Variants in CDH12 observed in about 807,000 individuals in gnomAD.
The protein encoded by CDH12 is cadherin 12, also known as cadherin-12.
In CDH12, 41 loss-of-function variants were observed where a neutral mutation model predicts 74.1. The ratio of observed to expected loss-of-function variants is 0.55; its 90% CI spans 0.43 to 0.72. CDH12 has a LOEUF of 0.72. CDH12 is among the 30% of genes least tolerant of loss of function. CDH12 has a pLI of 0.00. For missense variants in CDH12, 945 were observed against 977.2 expected, an observed-to-expected ratio of 0.97 and a Z score of 0.44; for synonymous variants, 399 against 355.0, an observed-to-expected ratio of 1.12 and a Z score of -1.39.
chr5:22,633,367 CATATT>C lies in CDH12; in HGVS notation c.-522-128008_-522-128004del, dbSNP rs1486299575. Among the ~76,000 whole-genome samples the C allele has an allele frequency of 3.9e-5, 6 of 152,218 alleles. No homozygotes were observed. The East Asian group carries it at 1.2e-3, about 29-fold the overall frequency. ...TTCTTGTTTATATATCTTTTCTTCTCATATTATTTTAAAATATTATATAATGCAAT... is the reference window on the plus strand; with the variant it reads ...TTCTTGTTTATATATCTTTTCTTCTCATTTTAAAATATTATATAATGCAAT... On this transcript the variant is annotated intron_variant, in intron 1 of 14. Transcript: ENST00000382254.
At chr5:21,867,871 T>G (rs1008384068) in intron 6 of CDH12, among the ~76,000 whole-genome samples, 2 of 152,166 alleles carry the variant, frequency 1.3e-5, no homozygotes, top group African/African-American at 4.8e-5. Flanking sequence ...TGATATGGTT[T>G]GGCTGTGTCC....
chr5:22,336,092 T>C (rs1457048565), intron 3 of CDH12, among the ~76,000 whole-genome samples: 1 of 152,190 alleles, frequency 6.6e-6, no homozygotes, highest in Non-Finnish European at 1.5e-5. Flanking sequence ...TGTTATGTTT[T>C]AGCAAAGAGA....
chr5:22,018,080 C>T (rs536446489), intron 5 of CDH12, among the ~76,000 whole-genome samples: 2 of 152,086 alleles, frequency 1.3e-5, no homozygotes, highest in East Asian at 3.9e-4. Context: ...AATATTTAGT[C>T]CAGGTTATCT....
chr5:22,481,855 T>A (rs1746396576), intron 2 of CDH12, among the ~76,000 whole-genome samples: 1 of 152,152 alleles, frequency 6.6e-6, no homozygotes, highest in Non-Finnish European at 1.5e-5. Flanking sequence ...AGAGGGTAGA[T>A]CTCATGTTAA....
chr5:22,442,794 T>C (rs952686513), intron 2 of CDH12, among the ~76,000 whole-genome samples: 1 of 152,152 alleles, frequency 6.6e-6, no homozygotes, highest in African/African-American at 2.4e-5. Context: ...GTTGAGGGGA[T>C]TTGGAGAGAA....
intron 3 of CDH12, among the ~76,000 whole-genome samples, chr5:22,232,666 T>A (rs537933750): frequency 6.6e-6 from 1 of 151,588 alleles, no homozygotes; most frequent in African/African-American, 2.4e-5. Flanking sequence ...TGAAAAAAAA[T>A]ACTTCATCAT....
intron 1 of CDH12, among the ~76,000 whole-genome samples, chr5:22,546,676 T>G (rs963573638): frequency 2.0e-5 from 3 of 152,184 alleles, no homozygotes; most frequent in African/African-American, 7.2e-5. Flanking sequence ...TAGTAGAGTA[T>G]GTCATTTCTG....
At chr5:22,615,858 C>T (rs559852536) in intron 1 of CDH12, among the ~76,000 whole-genome samples, 4 of 152,076 alleles carry the variant, frequency 2.6e-5, no homozygotes, top group African/African-American at 7.2e-5. Context: ...AATGTGTAAG[C>T]TTTGAGGGGG....
intron 1 of CDH12, among the ~76,000 whole-genome samples, chr5:22,705,803 C>T (rs369268217): frequency 2.6e-5 from 4 of 151,696 alleles, no homozygotes; most frequent in African/African-American, 4.8e-5. Context: ...TTAATCATTG[C>T]TTTTATGTGT....
intron 1 of CDH12, among the ~76,000 whole-genome samples, chr5:22,824,829 T>C (rs1265420597): frequency 6.6e-6 from 1 of 151,838 alleles, no homozygotes; most frequent in Non-Finnish European, 1.5e-5. Flanking sequence ...CATTAGTTTA[T>C]GTTTACAAGA....
At chr5:22,099,772 T>A (rs1311503622) in intron 4 of CDH12, among the ~76,000 whole-genome samples, 3 of 152,162 alleles carry the variant, frequency 2.0e-5, no homozygotes, top group African/African-American at 7.2e-5. Context: ...CTATGCTGAA[T>A]CTCCTTAGGC....
At chr5:21,848,094 A>G (rs998201734) in intron 7 of CDH12, among the ~76,000 whole-genome samples, 1 of 152,128 alleles carries the variant, frequency 6.6e-6, no homozygotes, top group South Asian at 2.1e-4. Flanking sequence ...TTATGATGTA[A>G]CATAGTTCTT....
chr5:22,076,050 C>A (rs529496894), intron 5 of CDH12, among the ~76,000 whole-genome samples: 2 of 152,076 alleles, frequency 1.3e-5, no homozygotes, highest in South Asian at 4.2e-4. Context: ...TAATTAGTTT[C>A]CTGATGGAAA....
At chr5:22,173,371 C>T (rs1580356576) in intron 4 of CDH12, among the ~76,000 whole-genome samples, 1 of 142,964 alleles carries the variant, frequency 7.0e-6, no homozygotes, top group East Asian at 2.0e-4. Context: ...AATTATAATA[C>T]ATACACTTTT....
intron 1 of CDH12, among the ~76,000 whole-genome samples, chr5:22,508,490 G>C (rs1038676627): frequency 6.6e-6 from 1 of 152,074 alleles, no homozygotes; most frequent in African/African-American, 2.4e-5. Context: ...TATTAACATA[G>C]GTAGATCTTT....
At chr5:22,399,464 T>C (rs1742618468) in intron 3 of CDH12, among the ~76,000 whole-genome samples, 1 of 152,168 alleles carries the variant, frequency 6.6e-6, no homozygotes, top group Non-Finnish European at 1.5e-5. Flanking sequence ...CCTACATCTA[T>C]ATAAGTATCA....
At chr5:22,587,169 G>C (rs2126793071) in intron 1 of CDH12, among the ~76,000 whole-genome samples, 1 of 152,068 alleles carries the variant, frequency 6.6e-6, no homozygotes, top group African/African-American at 2.4e-5. Context: ...ATTAGATCGT[G>C]AGGGCTCTGT....
At chr5:22,016,294 A>C (rs548920428) in intron 5 of CDH12, among the ~76,000 whole-genome samples, 1 of 152,244 alleles carries the variant, frequency 6.6e-6, no homozygotes, top group South Asian at 2.1e-4. Context: ...ATGCTTGCTA[A>C]TCTTAATTAA....
At chr5:21,928,648 T>G (rs910218279) in intron 6 of CDH12, among the ~76,000 whole-genome samples, 2 of 152,118 alleles carry the variant, frequency 1.3e-5, no homozygotes, top group Non-Finnish European at 2.9e-5. Flanking sequence ...CTAAAAATTC[T>G]ATCAAGAGTT....
Sources: gnomAD v4.1 joint callset for allele counts (sites outside exome capture counted in the v4.1 genomes callset) on GRCh38, gnomAD v4.1.1 for gene constraint, MANE v1.5 for transcripts, NCBI Gene and HGNC (gene_info 2026-07-23, HGNC 2026-07-21) for gene names.